Variants in ATP8A1 observed in about 807,000 individuals in gnomAD.
ATP8A1 encodes the protein phospholipid-transporting ATPase IA.
Under a neutral mutation model 177.7 loss-of-function variants are expected in ATP8A1, and 90 were observed. The observed-to-expected ratio is 0.51, with a 90% CI of 0.43 to 0.60. The LOEUF (loss-of-function observed/expected upper bound fraction) is 0.60. Ranked by LOEUF, ATP8A1 falls within the 20% of genes least tolerant of loss-of-function variation. The pLI, the probability that ATP8A1 is intolerant of heterozygous loss-of-function variation, is 0.00. For missense variants in ATP8A1, 1,072 were observed against 1,392.8 expected, an observed-to-expected ratio of 0.77 and a Z score of 3.67; for synonymous variants, 493 against 485.9, an observed-to-expected ratio of 1.01 and a Z score of -0.19.
intron 4 of ATP8A1, among the ~76,000 whole-genome samples, chr4:42,622,693 A>C (rs1737602830): frequency 1.3e-5 from 2 of 152,284 alleles, no homozygotes; most frequent in South Asian, 4.1e-4. Context: ...TTAAATTTAC[A>C]AGAAGAAAAC....
In ATP8A1 at chr4:42,522,149, C is replaced by T. The variant is rs200354195; in HGVS notation, c.1947+11G>A. 9.0e-5 allele frequency: 144 copies of T among 1,597,294 alleles called. No homozygotes were observed. In the East Asian group the frequency reaches 2.8e-3, roughly 31 times the overall value. On this transcript the variant is annotated intron_variant, in intron 22 of 36. Transcript: ENST00000381668. ...AAACCCTCTGTATGATCAACAGAAT[C>T]ATCCACGTACCTTTTCAATCAACTC...
intron 10 of ATP8A1, 147 bp from the exon 11 acceptor site, chr4:42,580,125 T>A (rs1224444242): frequency 4.7e-6 from 3 of 643,824 alleles, no homozygotes; most frequent in Non-Finnish European, 7.7e-6. Flanking sequence ...CCATGACAAA[T>A]GTAATAAGGT....
chr4:42,518,187 A>G (rs1324213213), intron 22 of ATP8A1, among the ~76,000 whole-genome samples: 2 of 152,232 alleles, frequency 1.3e-5, no homozygotes, highest in Non-Finnish European at 2.9e-5. Flanking sequence ...TTAAAAGTAT[A>G]ACCTTAATCC....
intron 20 of ATP8A1, among the ~76,000 whole-genome samples, chr4:42,542,681 G>T (rs1728528625): frequency 6.6e-6 from 1 of 152,070 alleles, no homozygotes; most frequent in African/African-American, 2.4e-5. Flanking sequence ...GTGAGAACAT[G>T]CGATGTTTGG....
chr4:42,600,922 G>A (rs1257287333), intron 5 of ATP8A1, among the ~76,000 whole-genome samples: 1 of 151,248 alleles, frequency 6.6e-6, no homozygotes, highest in Admixed American at 6.6e-5. Context: ...ATTTCTAATA[G>A]TTTAGTAAAA....
intron 24 of ATP8A1, 69 bp from the exon 25 acceptor site, chr4:42,485,737 G>T: frequency 7.7e-7 from 1 of 1,305,012 alleles, no homozygotes; most frequent in Non-Finnish European, 1.0e-6. Context: ...ATGCCTTAAG[G>T]ATATTTGGCA....
chr4:42,580,557 C>T (rs1169516517), intron 10 of ATP8A1, among the ~76,000 whole-genome samples: 1 of 152,150 alleles, frequency 6.6e-6, no homozygotes, highest in Non-Finnish European at 1.5e-5. Context: ...TTATGTAGAC[C>T]TGTGCTAACC....
intron 20 of ATP8A1, among the ~76,000 whole-genome samples, chr4:42,535,751 T>C (rs549514774): frequency 2.7e-4 from 41 of 152,270 alleles, no homozygotes; most frequent in Middle Eastern, 6.8e-3. Flanking sequence ...AAATTAGAAA[T>C]TATAGCAAGT....
intron 1 of ATP8A1, among the ~76,000 whole-genome samples, chr4:42,655,171 C>A (rs1271153709): frequency 6.6e-6 from 1 of 152,252 alleles, no homozygotes; most frequent in Non-Finnish European, 1.5e-5. Flanking sequence ...AAATGTGTCA[C>A]TGAACTAGTT....
At chr4:42,624,838 T>C (rs1226943201) in intron 3 of ATP8A1, among the ~76,000 whole-genome samples, 2 of 152,246 alleles carry the variant, frequency 1.3e-5, no homozygotes, top group East Asian at 1.9e-4. Flanking sequence ...CAGTTGTATA[T>C]AGGACTACAA....
intron 21 of ATP8A1, 72 bp from the exon 22 acceptor site, chr4:42,522,371 T>C: frequency 1.9e-6 from 3 of 1,549,216 alleles, no homozygotes; most frequent in Non-Finnish European, 2.6e-6. Flanking sequence ...TCTGTTTTTA[T>C]TTCACAAAGT....
intron 5 of ATP8A1, among the ~76,000 whole-genome samples, chr4:42,613,385 T>TGC (rs1268243105): frequency 9.1e-5 from 1 of 10,968 alleles, no homozygotes; most frequent in Non-Finnish European, 5.8e-3. Flanking sequence ...CTCCCATGGA[T>TGC]ACAAATCCAT....
At chr4:42,652,641 T>C (rs1284992972) in intron 1 of ATP8A1, among the ~76,000 whole-genome samples, 1 of 152,168 alleles carries the variant, frequency 6.6e-6, no homozygotes. Context: ...CCAAGTGTTG[T>C]GGAAGAGACC....
chr4:42,450,767 G>A (rs1392614797), intron 30 of ATP8A1, among the ~76,000 whole-genome samples: 5 of 152,310 alleles, frequency 3.3e-5, no homozygotes, highest in South Asian at 2.1e-4. Flanking sequence ...TACAAGCTAC[G>A]CACTGTTCTA....
intron 33 of ATP8A1, among the ~76,000 whole-genome samples, chr4:42,432,514 T>C (rs932178907): frequency 1.3e-5 from 2 of 152,132 alleles, no homozygotes; most frequent in Admixed American, 6.6e-5. Context: ...AATACCATGG[T>C]GGGACACTGC....
chr4:42,613,686 C>T (rs913159954), intron 5 of ATP8A1, among the ~76,000 whole-genome samples: 8 of 152,124 alleles, frequency 5.3e-5, no homozygotes, highest in East Asian at 1.9e-4. Context: ...TGGGTTTGAG[C>T]GATTCTCCTA....
At chr4:42,583,963 G>A (rs1280898259) in intron 9 of ATP8A1, among the ~76,000 whole-genome samples, 1 of 152,156 alleles carries the variant, frequency 6.6e-6, no homozygotes, top group East Asian at 1.9e-4. Flanking sequence ...TCTATCATTA[G>A]TCTTTAACCA....
At chr4:42,626,770 T>C (rs1738145357) in intron 2 of ATP8A1, 2 of 550,660 alleles carry the variant, frequency 3.6e-6, no homozygotes, top group Non-Finnish European at 6.5e-6. Flanking sequence ...CTATGCAGCA[T>C]CGGCAGAGGA....
At position 42,597,138 on chromosome 4, in the gene ATP8A1, G is replaced by A. The variant is rs1042769310; in HGVS notation, c.450+3340C>T. 6.6e-5 allele frequency among the ~76,000 whole-genome samples: 10 copies of A among 152,270 alleles called. No homozygotes were observed. The South Asian group carries it at 1.2e-3, about 19-fold the overall frequency. ...CTAGGCAAATTTGTAGGTCCTTTGAGGATCATTAAAGAGCAACCACAGTAG... is the reference window on the plus strand; with the variant it reads ...CTAGGCAAATTTGTAGGTCCTTTGAAGATCATTAAAGAGCAACCACAGTAG... On this transcript the variant is annotated intron_variant, in intron 6 of 36. Transcript: ENST00000381668.
Sources: gnomAD v4.1 joint callset for allele counts (sites outside exome capture counted in the v4.1 genomes callset) on GRCh38, gnomAD v4.1.1 for gene constraint, MANE v1.5 for transcripts, NCBI Gene and HGNC (gene_info 2026-07-23, HGNC 2026-07-21) for gene names.